Variants in MACF1 observed in about 807,000 individuals in gnomAD.
MACF1 encodes microtubule-actin cross-linking factor 1.
A neutral mutation model predicts 854.8 loss-of-function variants in MACF1; 193 were observed. The observed-to-expected ratio is 0.23, with a 90% CI of 0.20 to 0.25. The LOEUF (loss-of-function observed/expected upper bound fraction) is 0.25, where lower values mean the gene tolerates loss of function less well. MACF1 is among the 10% of genes least tolerant of loss of function. The pLI, the probability that MACF1 is intolerant of heterozygous loss-of-function variation, is 1.00. For synonymous variants in MACF1, 3,185 were observed against 3,226.7 expected (o/e 0.99, Z 0.44); for missense variants, 7,722 against 8,929.1 (o/e 0.86, Z 5.45).
rs1184442473 is a variant in MACF1, at chr1:39,433,129, G to C, written c.17539G>C (p.Gly5847Arg). Residue 5847 changes from glycine (G) to arginine (R), a missense_variant, in exon 68 of 101, where the codon GGG (glycine) becomes CGG (arginine). By Grantham distance (125) the Gly-to-Arg change is moderately radical. Transcript: ENST00000564288. ...SHRSEIFGTC[G>R]EEQKTVLQEK... is the part of the protein sequence containing the mutation. ...CCGTAGTGAAATCTTTGGCACATGT[G>C]GGGAGGAGCAAAAAACTGTATTACA... is the stretch of plus-strand genomic sequence containing the variant. The C allele has an allele frequency of 3.7e-6, 6 of 1,608,924 alleles. No individual in the cohort carries two copies. In the East Asian group the frequency reaches 1.3e-4, roughly 36 times the overall value.
At chr1:39,315,427 A>C in intron 26 of MACF1, 86 bp from the exon 27 acceptor site, 1 of 1,271,064 alleles carries the variant, frequency 7.9e-7, no homozygotes, top group Admixed American at 1.9e-5. Context: ...GTGGTTTCCA[A>C]TATTTAGCTA....
intron 31 of MACF1, 60 bp downstream of exon 31, chr1:39,319,807 C>A: frequency 8.4e-7 from 1 of 1,189,304 alleles, no homozygotes; most frequent in South Asian, 1.3e-5. Context: ...AAACCTACAT[C>A]TTCACTGTAG....
At chr1:39,437,682 C>A in intron 70 of MACF1, 95 bp from the exon 71 acceptor site, 1 of 990,294 alleles carries the variant, frequency 1.0e-6, no homozygotes, top group Non-Finnish European at 1.6e-6. Flanking sequence ...TTATCCTAAA[C>A]AGTAGTAGGA....
chr1:39,163,328 G>T, intron 2 of MACF1, among the ~76,000 whole-genome samples: 1 of 97,284 alleles, frequency 1.0e-5, no homozygotes, highest in African/African-American at 3.9e-5. Context: ...GGGTGACAGA[G>T]CAAGACTGTC....
chr1:39,324,086 A>T, intron 33 of MACF1, 107 bp from the exon 34 acceptor site: 1 of 1,122,510 alleles, frequency 8.9e-7, no homozygotes, highest in Non-Finnish European at 1.3e-6. Context: ...CCACTTATTT[A>T]GGTAACTGTA....
intron 22 of MACF1, 24 bp downstream of exon 22, chr1:39,300,386 C>T (rs763066456): frequency 1.2e-6 from 2 of 1,602,086 alleles, no homozygotes; most frequent in South Asian, 2.2e-5. Context: ...AAGGGTACCT[C>T]TGGGCCACAG....
intron 58 of MACF1, among the ~76,000 whole-genome samples, chr1:39,415,776 G>GTTAA (rs1643280917): frequency 6.6e-6 from 1 of 152,164 alleles, no homozygotes; most frequent in African/African-American, 2.4e-5. Context: ...GCTTTCCACA[G>GTTAA]TTAATTACCC....
intron 2 of MACF1, among the ~76,000 whole-genome samples, chr1:39,244,581 A>ATTT (rs35814123): frequency 1.4e-5 from 2 of 139,128 alleles, no homozygotes; most frequent in African/African-American, 5.3e-5. Context: ...GCACCCAGCC[A>ATTT]TTTTTTTTTT....
intron 2 of MACF1, among the ~76,000 whole-genome samples, chr1:39,195,309 G>T (rs1644306680): frequency 2.0e-5 from 3 of 152,146 alleles, no homozygotes; most frequent in African/African-American, 7.2e-5. Flanking sequence ...ATAATTCACT[G>T]GGCCCAGCTT....
At chr1:39,279,694 T>C (rs1368669590) in intron 6 of MACF1, among the ~76,000 whole-genome samples, 2 of 152,202 alleles carry the variant, frequency 1.3e-5, no homozygotes, top group African/African-American at 4.8e-5. Flanking sequence ...CATCATCTTA[T>C]TTAATCCTTA....
chr1:39,308,869 T>C lies in MACF1; in HGVS notation c.2790-701T>C, dbSNP rs1442313912. ...TGGGGTTTCTCCTTGTTGGTCAGGC[T>C]GGTCTTGAACTCCCGACCTCAGGTG... On this transcript the variant is annotated intron_variant, in intron 23 of 100. Transcript: ENST00000564288. Among the ~76,000 whole-genome samples, 3 of 152,126 alleles carry C rather than the reference T, an allele frequency of 2.0e-5. No homozygotes were observed. The East Asian group carries it at 5.8e-4, about 29-fold the overall frequency.
intron 44 of MACF1, among the ~76,000 whole-genome samples, chr1:39,354,525 C>T (rs924302873): frequency 5.9e-5 from 9 of 152,192 alleles, no homozygotes; most frequent in Non-Finnish European, 1.3e-4. Context: ...ATGCATCAGC[C>T]TCCCAAGTAG....
At chr1:39,349,017 T>C (rs1030051309) in intron 41 of MACF1, among the ~76,000 whole-genome samples, 3 of 152,216 alleles carry the variant, frequency 2.0e-5, no homozygotes, top group African/African-American at 7.2e-5. Context: ...AGAAGCTCGA[T>C]TAACTTATGA....
At chr1:39,346,794 C>T (rs1373200045) in intron 40 of MACF1, among the ~76,000 whole-genome samples, 183 bp from the exon 41 acceptor site, 2 of 152,156 alleles carry the variant, frequency 1.3e-5, no homozygotes, top group Non-Finnish European at 2.9e-5. Flanking sequence ...GCTGGGATTA[C>T]AGGCATGAGC....
chr1:39,242,974 C>T (rs1644942947), intron 2 of MACF1, among the ~76,000 whole-genome samples: 1 of 152,204 alleles, frequency 6.6e-6, no homozygotes, highest in South Asian at 2.1e-4. Flanking sequence ...AGGGGCAGAA[C>T]TGCTGGGTCG....
In MACF1 at chr1:39,452,880, G is replaced by T. The variant is rs370350793; in HGVS notation, c.20742+68G>T. 6.5e-5 allele frequency: 100 copies of T among 1,548,914 alleles called. 2 individuals carry two copies. The East Asian group carries it at 8.0e-4, about 12-fold the overall frequency. ...CCTTGAGGGCTGCCTACCACTAAAT[G>T]AAAGCAACTTTTTCTTGGAAATATC... is the stretch of plus-strand genomic sequence containing the variant. On this transcript the variant is annotated intron_variant, in intron 87 of 100. Coordinates refer to ENST00000564288, the MANE Select transcript of MACF1 (RefSeq NM_001394062.1).
intron 97 of MACF1, among the ~76,000 whole-genome samples, chr1:39,470,190 T>A (rs1644749779): frequency 6.6e-6 from 1 of 152,264 alleles, no homozygotes; most frequent in Non-Finnish European, 1.5e-5. Flanking sequence ...AAATGATTTA[T>A]AGTCATATTC....
intron 2 of MACF1, among the ~76,000 whole-genome samples, chr1:39,154,554 A>AG (rs1159527768): frequency 6.6e-6 from 1 of 151,950 alleles, no homozygotes; most frequent in Non-Finnish European, 1.5e-5. Context: ...GTTGATTTCT[A>AG]GGGGGCTTTG....
chr1:39,211,758 G>A (rs1199944466), intron 1 of MACF1, among the ~76,000 whole-genome samples: 1 of 152,028 alleles, frequency 6.6e-6, no homozygotes, highest in Non-Finnish European at 1.5e-5. Flanking sequence ...GTGGGCGCCT[G>A]TAATCCCAGC....
Sources: gnomAD v4.1 joint callset for allele counts (sites outside exome capture counted in the v4.1 genomes callset) on GRCh38, gnomAD v4.1.1 for gene constraint, MANE v1.5 for transcripts, NCBI Gene and HGNC (gene_info 2026-07-23, HGNC 2026-07-21) for gene names.